The following MBP variants were observed in gnomAD, a reference collection of about 807,000 sequenced individuals.
MBP encodes the protein Golli-MBP.
In MBP, 16 loss-of-function variants were observed where a neutral mutation model predicts 35.8. The ratio of observed to expected loss-of-function variants is 0.45; its 90% CI spans 0.30 to 0.68. The LOEUF (loss-of-function observed/expected upper bound fraction) is 0.68, where lower values mean the gene tolerates loss of function less well. Ranked by LOEUF, MBP falls within the 30% of genes least tolerant of loss-of-function variation. The pLI is 0.08. For missense variants in MBP, 380 were observed against 404.7 expected, an observed-to-expected ratio of 0.94 and a Z score of 0.52; for synonymous variants, 143 against 159.6, an observed-to-expected ratio of 0.90 and a Z score of 0.78.
intron 2 of MBP, among the ~76,000 whole-genome samples, chr18:77,092,873 G>C (rs1424468627): frequency 6.6e-6 from 1 of 152,196 alleles, no homozygotes; most frequent in Non-Finnish European, 1.5e-5. Context: ...CACGCCTGCT[G>C]CCCTGCTCAG....
intron 4 of MBP, among the ~76,000 whole-genome samples, chr18:77,001,727 G>A (rs906045613): frequency 2.0e-5 from 3 of 152,178 alleles, no homozygotes; most frequent in African/African-American, 7.2e-5. Context: ...GCGGACACCT[G>A]TAATCCCAGC....
At chr18:77,053,570 ACACT>A (rs10567845) in intron 3 of MBP, among the ~76,000 whole-genome samples, 123,994 of 151,654 alleles carry the variant, frequency 0.82, 50,871 homozygotes, top group East Asian at 0.94. Flanking sequence ...TTACACACAC[ACACT>A]CTGATGCACG....
intron 1 of MBP, chr18:77,127,996 CAT>C (rs1407111775): frequency 2.6e-5 from 4 of 152,204 alleles, no homozygotes; most frequent in African/African-American, 9.7e-5. Context: ...TAAAATTAGA[CAT>C]GTGCTAACCA....
At chr18:77,066,233 G>A (rs1483986030) in intron 3 of MBP, 65 bp downstream of exon 3, 12 of 1,197,320 alleles carry the variant, frequency 1.0e-5, no homozygotes, top group Non-Finnish European at 1.4e-5. Flanking sequence ...AGGCTTCCCC[G>A]AGTGAGAGTG....
At chr18:77,057,233 G>A (rs1417886701) in intron 3 of MBP, among the ~76,000 whole-genome samples, 1 of 152,202 alleles carries the variant, frequency 6.6e-6, no homozygotes, top group Non-Finnish European at 1.5e-5. Flanking sequence ...GGAACCAGCT[G>A]CGGTCTCCCT....
At chr18:77,009,742 TG>T in intron 4 of MBP, 1 of 983,792 alleles carries the variant, frequency 1.0e-6, no homozygotes, top group Non-Finnish European at 1.5e-6. Context: ...AGGCTGGGGG[TG>T]GGCCCCTGGC....
intron 8 of MBP, 40 bp from the exon 9 acceptor site, chr18:76,980,511 A>G (rs779279135): frequency 6.5e-7 from 1 of 1,533,694 alleles, no homozygotes; most frequent in Non-Finnish European, 9.0e-7. Context: ...AGAGTGCCGC[A>G]GGGTCCTCCC....
chr18:77,108,115 C>T lies in MBP; in HGVS notation c.-25-2829G>A, dbSNP rs567131438. ...ATAATCACGAGTGACTGGCAGTCTG[C>T]CTTATTAGCTTCTGACACTCTGCCC... is the stretch of plus-strand genomic sequence containing the variant. On this transcript the variant is annotated intron_variant, in intron 1 of 8. Transcript: ENST00000355994. Among the ~76,000 whole-genome samples, 4 of 152,226 alleles carry T rather than the reference C, an allele frequency of 2.6e-5. No individual in the cohort carries two copies. The South Asian group carries it at 8.3e-4, about 32-fold the overall frequency.
upstream of MBP, chr18:77,133,656 G>A (rs1977357627): frequency 1.3e-5 from 2 of 152,262 alleles, no homozygotes; most frequent in South Asian, 4.1e-4. Context: ...TCTGGATCTG[G>A]AGCTTCCAGG....
chr18:76,989,955 C>A lies in MBP; in HGVS notation c.681+1G>T, dbSNP rs1969799726. On this transcript the variant is annotated splice_donor_variant, in intron 5 of 8. Transcript: ENST00000355994. LOFTEE classifies it high-confidence loss of function. The surrounding 1 kb of genome is among the most constrained non-coding windows in gnomAD (Gnocchi z 4.0). Reference sequence around the variant, plus strand: ...ACCTCTTCCCATCGATCGTCACTTACAATGTTCTTGAAGAAGTGGACTACG... The same window carrying A: ...ACCTCTTCCCATCGATCGTCACTTAAAATGTTCTTGAAGAAGTGGACTACG... The A allele has an allele frequency of 6.2e-7, 1 of 1,610,170 alleles. No individual in the cohort carries two copies. Among genetic ancestry groups the A allele is most frequent in the Non-Finnish European group, 8.5e-7 (1 of 1,178,158 alleles).
intron 3 of MBP, among the ~76,000 whole-genome samples, chr18:77,035,666 G>A (rs1488157757): frequency 1.3e-5 from 2 of 152,218 alleles, no homozygotes; most frequent in Non-Finnish European, 2.9e-5. Context: ...GTGAAGGGGG[G>A]GGGACCATGA....
At position 77,031,776 on chromosome 18, in the gene MBP, G is replaced by A. The variant is rs545602455; in HGVS notation, c.140-14508C>T. Among the ~76,000 whole-genome samples, 110 of 152,334 alleles carry A rather than the reference G, an allele frequency of 7.2e-4. 1 individual carries two copies. The highest frequency in any genetic ancestry group is 2.5e-3 in the African/African-American group (103 of 41,570). ...GCTGGCTCTAATGGGCTCCTGGTCC[G>A]TGCCTCTCCATTTGGCCACCTTGGA... On this transcript the variant is annotated intron_variant, in intron 3 of 8. Transcript: ENST00000355994.
intron 1 of MBP, chr18:77,112,459 G>C (rs1976499806): frequency 6.6e-6 from 1 of 152,226 alleles, no homozygotes; most frequent in African/African-American, 2.4e-5. Context: ...GTGCATAACG[G>C]GGAGGGAGAT....
intron 2 of MBP, among the ~76,000 whole-genome samples, chr18:77,083,823 C>T (rs907084038): frequency 1.3e-5 from 2 of 152,062 alleles, no homozygotes; most frequent in East Asian, 3.9e-4. Context: ...AGAAGTGAGC[C>T]GGTGATTGCT....
At chr18:77,054,728 C>T (rs59340188) in intron 3 of MBP, among the ~76,000 whole-genome samples, 7,929 of 152,292 alleles carry the variant, frequency 0.052, 272 homozygotes, top group Middle Eastern at 0.11. Flanking sequence ...GTTCCAATCC[C>T]TGTTAGCGGC....
chr18:77,006,996 G>C (rs77984431), intron 4 of MBP: 58 of 152,802 alleles, frequency 3.8e-4, no homozygotes, highest in African/African-American at 1.3e-3. Context: ...CCTCTGTTCA[G>C]CTCGCGTTTC....
chr18:77,013,302 A>G, intron 4 of MBP: 1 of 985,244 alleles, frequency 1.0e-6, no homozygotes, highest in Non-Finnish European at 1.2e-6. Context: ...CTGTGTGCAC[A>G]CTGGGCTCTG....
intron 4 of MBP, among the ~76,000 whole-genome samples, chr18:76,997,737 C>T (rs1356520738): frequency 1.1e-4 from 16 of 150,680 alleles, no homozygotes; most frequent in African/African-American, 2.9e-4. Context: ...GGCTGGAGTG[C>T]AGTGGCGCGA....
intron 4 of MBP, among the ~76,000 whole-genome samples, chr18:77,012,426 C>A (rs188056014): frequency 6.6e-6 from 1 of 152,226 alleles, no homozygotes; most frequent in Admixed American, 6.5e-5. Context: ...GAGAGAAACA[C>A]AAGAAACTTC....
Sources: gnomAD v4.1 joint callset for allele counts (sites outside exome capture counted in the v4.1 genomes callset) on GRCh38, gnomAD v4.1.1 for gene constraint, Gnocchi (gnomAD v3.1) non-coding constraint, MANE v1.5 for transcripts, NCBI Gene and HGNC (gene_info 2026-07-23, HGNC 2026-07-21) for gene names.